The following RECQL4 variants were observed in gnomAD, a reference collection of about 807,000 sequenced individuals.
RECQL4 encodes the protein RecQ like helicase 4, also known as ATP-dependent DNA helicase Q4.
A neutral mutation model predicts 128.6 loss-of-function variants in RECQL4; 158 were observed. That is an observed-to-expected ratio of 1.23 (90% CI 1.08 to 1.40). RECQL4 has a LOEUF of 1.40. RECQL4 is among the 40% of genes most tolerant of loss of function. The pLI is 0.00. For synonymous variants in RECQL4, 996 were observed against 678.9 expected, an observed-to-expected ratio of 1.47 and a Z score of -7.26; for missense variants, 2,293 against 1,649.8, an observed-to-expected ratio of 1.39 and a Z score of -6.75.
In RECQL4 at chr8:144,512,970, G is replaced by A. The variant is rs375036010; in HGVS notation, c.2632C>T (p.Pro878Ser). Reference sequence around the variant, plus strand: ...CTAAGCTGCTCAGCCTCTTGAGGGGGGTACTTGGGCACAGGCCTCTCCCCA... The same window carrying A: ...CTAAGCTGCTCAGCCTCTTGAGGGGAGTACTTGGGCACAGGCCTCTCCCCA... ...VGGERPVPKY[P>S]PQEAEQLSHQ... The change falls in exon 15 of 21, where the codon CCC becomes TCC. Residue 878 changes from proline to serine, a missense_variant. Transcript: ENST00000617875. 2.2e-5 allele frequency: 35 copies of A among 1,571,070 alleles called. No homozygotes were observed. The highest frequency in any genetic ancestry group is 2.7e-5 in the Non-Finnish European group (31 of 1,158,720).
chr8:144,511,574 A>G lies in RECQL4; in HGVS notation c.3503-19T>C. The G allele has an allele frequency of 1.9e-6, 3 of 1,610,362 alleles. No individual in the cohort carries two copies. The highest frequency in any genetic ancestry group is 2.5e-6 in the Non-Finnish European group (3 of 1,178,308). Reference sequence around the variant, plus strand: ...GGGCTTCCTACGGTGGAGCCAAGACACAGCCGTGAGCCCCAGCCCCAGCCT... The same window carrying G: ...GGGCTTCCTACGGTGGAGCCAAGACGCAGCCGTGAGCCCCAGCCCCAGCCT... On this transcript the variant is annotated intron_variant, in intron 20 of 20. Coordinates refer to ENST00000617875, the MANE Select transcript of RECQL4 (RefSeq NM_004260.4).
rs35029361 is a variant in RECQL4, at chr8:144,513,212, G to A, written c.2463+6C>T. ...CACTGGCAGTGTGGGGGGGGGGGGT[G>A]CCAACCTGGGGCTGCAGGAAGAGGT... On this transcript the variant is annotated splice_donor_region_variant and intron_variant, in intron 14 of 20. Transcript: ENST00000617875. 537 of 1,507,762 alleles carry A rather than the reference G, an allele frequency of 3.6e-4. 1 individual carries two copies. The African/African-American group carries it at 7.4e-3, about 21-fold the overall frequency. 93.4% of individuals were successfully genotyped at this position (1,507,762 alleles called of 1,614,324 possible). A position where few individuals can be genotyped will look rare whatever the true frequency, so the allele number is the denominator to read the frequency against.
At position 144,513,830 on chromosome 8, in the gene RECQL4, T is replaced by G. The variant is rs2620653; in HGVS notation, c.2058+98A>C. ...AGGGGTCGGCGTGGGCGGTGGGGAGTGAGAAGGGGTCGGCGTGGGCGGTGG... is the reference window on the plus strand; with the variant it reads ...AGGGGTCGGCGTGGGCGGTGGGGAGGGAGAAGGGGTCGGCGTGGGCGGTGG... On this transcript the variant is annotated intron_variant, in intron 12 of 20. Transcript: ENST00000617875. 227 of 544,628 alleles carry G rather than the reference T, an allele frequency of 4.2e-4. 9 individuals carry two copies. The highest frequency in any genetic ancestry group is 1.1e-3 in the South Asian group (28 of 24,914). 33.7% of individuals were successfully genotyped at this position (544,628 alleles called of 1,614,324 possible).
Position 144,513,371 on chromosome 8 carries a change from G to A in RECQL4, c.2310C>T (p.Ala770=), listed in dbSNP as rs1440926889. The change falls in exon 14 of 21, where the codon GCC becomes GCT. Residue 770 remains alanine (A), a synonymous_variant. Transcript: ENST00000617875. ...CCAGCCCCATCCCAAAGGCCACCGT[G>A]GCCACCACCACCCGCAACTGGCCCT... ...FMQGQLRVVV[A]TVAFGMGLDR... The A allele has an allele frequency of 1.2e-6, 2 of 1,607,004 alleles. No individual in the cohort carries two copies. Among genetic ancestry groups the A allele is most frequent in the African/African-American group, 1.3e-5 (1 of 74,932 alleles).
In RECQL4 at chr8:144,513,015, C is replaced by T. The variant is rs747237323; in HGVS notation, c.2587G>A (p.Glu863Lys). The change falls in exon 15 of 21, where the codon GAG becomes AAG. Residue 863 changes from glutamate (E) to lysine (K), a missense_variant. Physicochemically the swap from Glu to Lys is moderately conservative, Grantham distance 56 (BLOSUM62 1). Transcript: ENST00000617875. The part of the protein sequence containing the change: ...CTCTCTRPPS[E>K]QEGAVGGERP... ...TCCCCACCCACGGCCCCTTCCTGCT[C>T]CGAGGGCGGCCTGGTGCAGGTGCAG... The T allele has an allele frequency of 2.2e-5, 34 of 1,570,378 alleles. No individual in the cohort carries two copies. The highest frequency in any genetic ancestry group is 1.7e-4 in the Middle Eastern group (1 of 6,032).
At position 144,511,492 on chromosome 8, in the gene RECQL4, T is replaced by C; in HGVS notation, c.3566A>G (p.His1189Arg). The change falls in exon 21 of 21, where the codon CAC becomes CGC. Residue 1189 changes from histidine (H) to arginine (R), a missense_variant. By Grantham distance (29) the His-to-Arg change is conservative. Coordinates refer to ENST00000617875, the MANE Select transcript of RECQL4 (RefSeq NM_004260.4). ...GCCCACCAGGGCATGGAAGCTCAGG[T>C]GCAGGTATTTTCTCCAGAAGCGTCG... ...QDRRFWRKYL[H>R]LSFHALVGLA... 1 of 1,612,520 alleles carries C rather than the reference T, an allele frequency of 6.2e-7. No homozygotes were observed. Among genetic ancestry groups the C allele is most frequent in the South Asian group, 1.1e-5 (1 of 91,088 alleles).
chr8:144,517,816 C>G lies in RECQL4; in HGVS notation c.-32G>C, dbSNP rs1245582433. The stretch of plus-strand genomic sequence containing the variant: ...CGCGCCCGCCCGGCCTCCGCGCTTG[C>G]GATCGTCCAGCGAATCTCCCGCGCA... On this transcript the variant is annotated 5_prime_UTR_variant, in exon 1 of 21. Transcript: ENST00000617875. 2 of 1,194,716 alleles carry G rather than the reference C, an allele frequency of 1.7e-6. No homozygotes were observed. Among genetic ancestry groups the G allele is most frequent in the Non-Finnish European group, 2.1e-6 (2 of 962,346 alleles). The allele number at this position is 1,194,716 out of a possible 1,614,324, so 74.0% of individuals were successfully genotyped here.
rs148752485 is a variant in RECQL4, at chr8:144,511,941, G to A, written c.3363C>T (p.Asp1121=). 79 of 1,611,358 alleles carry A rather than the reference G, an allele frequency of 4.9e-5. No individual in the cohort carries two copies. In the Middle Eastern group the frequency reaches 5.0e-4, roughly 10 times the overall value. ...EEGQEPGGME[D]AQGPEPGQAR... is the part of the protein sequence containing the mutation. ...CCTGCCCTGGCTCGGGGCCCTGTGC[G>A]TCCTCCATGCCTCCCGGCTCCTGCC... The change falls in exon 19 of 21, where the codon GAC becomes GAT. Residue 1121 remains aspartate (D), a synonymous_variant. Coordinates refer to ENST00000617875, the MANE Select transcript of RECQL4 (RefSeq NM_004260.4).
rs1815466441 is a variant in RECQL4 at position 144,517,820 on chromosome 8, C to T, written c.-36G>A. On this transcript the variant is annotated 5_prime_UTR_variant, in exon 1 of 21. Coordinates refer to ENST00000617875, the MANE Select transcript of RECQL4 (RefSeq NM_004260.4). The stretch of plus-strand genomic sequence containing the variant: ...CCCGCCCGGCCTCCGCGCTTGCGAT[C>T]GTCCAGCGAATCTCCCGCGCAGCCG... 8.4e-7 allele frequency: 1 copy of T among 1,189,954 alleles called. No homozygotes were observed. The highest frequency in any genetic ancestry group is 1.0e-6 in the Non-Finnish European group (1 of 959,928). 73.7% of individuals were successfully genotyped at this position (1,189,954 alleles called of 1,614,324 possible). A position where few individuals can be genotyped will look rare whatever the true frequency, so the allele number is the denominator to read the frequency against.
rs747571861 is a variant in RECQL4 at position 144,515,382 on chromosome 8, C to T, written c.1334G>A (p.Ser445Asn). ...PSPQPVPEVP[S>N]LDPTVLPLYS... ...GAGTGGCAGCACGGTGGGGTCCAGGCTGGGCACCTCAGGTACAGGTTGTGG... is the reference window on the plus strand; with the variant it reads ...GAGTGGCAGCACGGTGGGGTCCAGGTTGGGCACCTCAGGTACAGGTTGTGG... Residue 445 changes from serine to asparagine, a missense_variant, in exon 7 of 21, where the codon AGC becomes AAC. Physicochemically the swap from Ser to Asn is conservative, Grantham distance 46 (BLOSUM62 1). Coordinates refer to ENST00000617875, the MANE Select transcript of RECQL4 (RefSeq NM_004260.4). 1.2e-6 allele frequency: 2 copies of T among 1,612,652 alleles called. No individual in the cohort carries two copies. Among genetic ancestry groups the T allele is most frequent in the Admixed American group, 1.7e-5 (1 of 59,996 alleles).
Position 144,511,804 on chromosome 8 carries a change from A to G in RECQL4, c.3394-15T>C. On this transcript the variant is annotated splice_polypyrimidine_tract_variant and intron_variant, in intron 19 of 20. Coordinates refer to ENST00000617875, the MANE Select transcript of RECQL4 (RefSeq NM_004260.4). ...CAATCCTGGAGCTGTGTGGACAGGCACATCAGGCTTCCTCTGAGCTCCCGT... is the reference window on the plus strand; with the variant it reads ...CAATCCTGGAGCTGTGTGGACAGGCGCATCAGGCTTCCTCTGAGCTCCCGT... The G allele has an allele frequency of 3.1e-6, 5 of 1,612,070 alleles. No individual in the cohort carries two copies. Among genetic ancestry groups the G allele is most frequent in the Non-Finnish European group, 4.2e-6 (5 of 1,179,468 alleles).
Position 144,512,547 on chromosome 8 carries a change from G to A in RECQL4, c.2900C>T (p.Ala967Val), listed in dbSNP as rs1827447336. The part of the protein sequence containing the change: ...QALAHRCPPL[A>V]VCLAQQLPED... Reference sequence around the variant, plus strand: ...AGGCAGCTGCTGGGCCAAGCACACAGCCAAAGGGGGACACCTGTGCCCAGG... The same window carrying A: ...AGGCAGCTGCTGGGCCAAGCACACAACCAAAGGGGGACACCTGTGCCCAGG... The change falls in exon 17 of 21, where the codon GCT becomes GTT. Residue 967 changes from alanine (A) to valine (V), a missense_variant. By Grantham distance (64) the Ala-to-Val change is moderately conservative. Transcript: ENST00000617875. 1.9e-6 allele frequency: 3 copies of A among 1,612,552 alleles called. No individual in the cohort carries two copies. The highest frequency in any genetic ancestry group is 1.7e-4 in the Middle Eastern group (1 of 6,060).
In RECQL4 at chr8:144,511,664, G is replaced by A. The variant is rs575840682; in HGVS notation, c.3502+17C>T. 5 of 1,610,558 alleles carry A rather than the reference G, an allele frequency of 3.1e-6. No individual in the cohort carries two copies. The highest frequency in any genetic ancestry group is 2.7e-5 in the African/African-American group (2 of 74,828). On this transcript the variant is annotated intron_variant, in intron 20 of 20. Coordinates refer to ENST00000617875, the MANE Select transcript of RECQL4 (RefSeq NM_004260.4). The stretch of plus-strand genomic sequence containing the variant: ...CCCAGCCCCAGCCTGCAGCGGGTGG[G>A]GCCTCCCAGGCCTCACCGATGCCGT...
rs199658221 is a variant in RECQL4, at chr8:144,512,196, G to A, written c.3184C>T (p.Arg1062Trp). The A allele has an allele frequency of 1.4e-4, 233 of 1,611,870 alleles. 2 individuals carry two copies. The South Asian group carries it at 1.5e-3, about 10-fold the overall frequency. ...CDFLYGRVQA[R>W]ERQALARLRR... ...AGACGGGCCAGGGCCTGGCGCTCCCGGGCCTGCACACGGCCATAGAGGAAG... is the reference window on the plus strand; with the variant it reads ...AGACGGGCCAGGGCCTGGCGCTCCCAGGCCTGCACACGGCCATAGAGGAAG... Residue 1062 changes from arginine to tryptophan, a missense_variant, in exon 18 of 21, where the codon CGG becomes TGG. Transcript: ENST00000617875.
chr8:144,514,828 G>C, intron 9 of RECQL4, 108 bp downstream of exon 9: 1 of 1,390,096 alleles, frequency 7.2e-7, no homozygotes, highest in Non-Finnish European at 9.9e-7. Context: ...CAGACACCTT[G>C]AAGCTCCCAG....
In RECQL4 at chr8:144,513,027, T is replaced by TGGTGCAGGTGCA. The variant is rs548804317; in HGVS notation, c.2563_2574dup (p.Cys855_Thr858dup). On this transcript the variant is annotated inframe_insertion, in exon 15 of 21. Transcript: ENST00000617875. Reference sequence around the variant, plus strand: ...GCCCCTTCCTGCTCCGAGGGCGGCCTGGTGCAGGTGCAGGTGCAGGCTGGG... The same window carrying TGGTGCAGGTGCA: ...GCCCCTTCCTGCTCCGAGGGCGGCCTGGTGCAGGTGCAGGTGCAGGTGCAGGTGCAGGCTGGG... 2.5e-6 allele frequency: 4 copies of TGGTGCAGGTGCA among 1,574,464 alleles called. No individual in the cohort carries two copies. Among genetic ancestry groups the TGGTGCAGGTGCA allele is most frequent in the East Asian group, 4.7e-5 (2 of 42,554 alleles).
intron 9 of RECQL4, 137 bp downstream of exon 9, chr8:144,514,798 CA>C: frequency 8.8e-7 from 1 of 1,133,176 alleles, no homozygotes; most frequent in Non-Finnish European, 1.3e-6. Flanking sequence ...GACCTGCTGC[CA>C]AGACTGGGAC....
chr8:144,513,516 G>C (rs771883247), intron 13 of RECQL4, 36 bp from the exon 14 acceptor site: 6 of 1,610,706 alleles, frequency 3.7e-6, no homozygotes, highest in Non-Finnish European at 5.1e-6. Context: ...AGTGGGATGG[G>C]ACCATGTGTG....
In RECQL4 at chr8:144,512,266, G is replaced by A. The variant is rs770897193; in HGVS notation, c.3114C>T (p.Arg1038=). 1 of 1,612,510 alleles carries A rather than the reference G, an allele frequency of 6.2e-7. No individual in the cohort carries two copies. The highest frequency in any genetic ancestry group is 2.2e-5 in the East Asian group (1 of 44,888). The change falls in exon 18 of 21, where the codon CGC becomes CGT. Residue 1038 remains arginine, a synonymous_variant. Transcript: ENST00000617875. ...VEFSELAFHL[R]SPGDLTAEEK... ...CCTCAGCGGTCAAGTCCCCCGGGCTGCGAAGGTGGAAGGCCAGCTCACTGA... is the reference window on the plus strand; with the variant it reads ...CCTCAGCGGTCAAGTCCCCCGGGCTACGAAGGTGGAAGGCCAGCTCACTGA...
Sources: allele counts gnomAD v4.1 joint callset, GRCh38; gene constraint gnomAD v4.1.1; transcripts MANE v1.5; gene names NCBI Gene and HGNC (gene_info 2026-07-23, HGNC 2026-07-21).